The following TMEM132B variants were observed in gnomAD, a reference collection of about 807,000 sequenced individuals.
TMEM132B encodes transmembrane protein 132B.
TMEM132B carries 18 observed loss-of-function variants against 90.8 expected under a neutral mutation model. The ratio of observed to expected loss-of-function variants is 0.20; its 90% CI spans 0.14 to 0.29. The LOEUF is 0.29. TMEM132B is among the 10% of genes least tolerant of loss of function. TMEM132B has a pLI of 1.00. For synonymous variants in TMEM132B, 504 were observed against 523.3 expected, an observed-to-expected ratio of 0.96 and a Z score of 0.50; for missense variants, 1,096 against 1,326.8, an observed-to-expected ratio of 0.83 and a Z score of 2.70.
At chr12:125,461,227 T>C (rs1414641123) in intron 3 of TMEM132B, among the ~76,000 whole-genome samples, 1 of 152,094 alleles carries the variant, frequency 6.6e-6, no homozygotes, top group African/African-American at 2.4e-5. Context: ...TTCAGGGAGA[T>C]GCATTTGGAG....
intron 2 of TMEM132B, among the ~76,000 whole-genome samples, chr12:125,412,103 G>A (rs1486409648): frequency 1.3e-5 from 2 of 152,164 alleles, no homozygotes; most frequent in Non-Finnish European, 2.9e-5. Context: ...CTGAGGAAGC[G>A]TTTGCCCACT....
intron 5 of TMEM132B, among the ~76,000 whole-genome samples, chr12:125,629,932 G>A (rs1264925052): frequency 6.6e-6 from 1 of 152,106 alleles, no homozygotes; most frequent in Non-Finnish European, 1.5e-5. Flanking sequence ...TTGACATGAT[G>A]TATCACATTA....
chr12:125,525,260 T>C (rs756378985), intron 4 of TMEM132B, among the ~76,000 whole-genome samples: 1 of 152,236 alleles, frequency 6.6e-6, no homozygotes, highest in East Asian at 1.9e-4. Flanking sequence ...CAAGTATTCA[T>C]TGCAGTTCTG....
At chr12:125,543,247 C>G (rs531415345) in intron 4 of TMEM132B, among the ~76,000 whole-genome samples, 1 of 152,280 alleles carries the variant, frequency 6.6e-6, no homozygotes, top group East Asian at 1.9e-4. Flanking sequence ...CCCTCCCTAT[C>G]TCCAGGTTCT....
chr12:125,224,865 T>C (rs1873641940), intron 1 of TMEM132B, among the ~76,000 whole-genome samples: 1 of 152,248 alleles, frequency 6.6e-6, no homozygotes, highest in African/African-American at 2.4e-5. Flanking sequence ...AGGTTTTCTG[T>C]TCCTTCCCTG....
chr12:125,591,748 G>A (rs1885323633), intron 5 of TMEM132B, among the ~76,000 whole-genome samples: 1 of 152,116 alleles, frequency 6.6e-6, no homozygotes, highest in South Asian at 2.1e-4. Flanking sequence ...TCCTTGGCTT[G>A]TGGCAGCATC....
intron 4 of TMEM132B, among the ~76,000 whole-genome samples, chr12:125,530,028 G>A (rs1883603614): frequency 6.6e-6 from 1 of 152,206 alleles, no homozygotes; most frequent in Non-Finnish European, 1.5e-5. Flanking sequence ...GACCCTGTCT[G>A]TAACAAAACC....
chr12:125,386,531 C>T (rs1189530957), intron 2 of TMEM132B, among the ~76,000 whole-genome samples: 1 of 152,196 alleles, frequency 6.6e-6, no homozygotes, highest in Non-Finnish European at 1.5e-5. Context: ...TTTGCATTTG[C>T]ATTTTTTGCT....
At position 125,658,372 on chromosome 12, in the gene TMEM132B, T is replaced by A. The variant is rs1887120467; in HGVS notation, c.*3662T>A. ...TGTCGGGGCCCTGTCAGAGAACTAT[T>A]ATTAAGGCTCTGTGAGGGAACTGTT... On this transcript the variant is annotated 3_prime_UTR_variant, in exon 9 of 9. Transcript: ENST00000682704. 1 of 152,238 alleles carries A rather than the reference T, an allele frequency of 6.6e-6. No homozygotes were observed. The highest frequency in any genetic ancestry group is 2.1e-4 in the South Asian group (1 of 4,828). 9.4% of individuals were successfully genotyped at this position (152,238 alleles called of 1,614,324 possible). A position where few individuals can be genotyped will look rare whatever the true frequency, so the allele number is the denominator to read the frequency against.
At chr12:125,628,055 T>C (rs1886275097) in intron 5 of TMEM132B, among the ~76,000 whole-genome samples, 1 of 152,158 alleles carries the variant, frequency 6.6e-6, no homozygotes, top group Non-Finnish European at 1.5e-5. Flanking sequence ...TCTTTATCCA[T>C]TCATCTGTTG....
At chr12:125,311,408 G>A (rs957682571) in intron 1 of TMEM132B, among the ~76,000 whole-genome samples, 1 of 152,120 alleles carries the variant, frequency 6.6e-6, no homozygotes, top group Non-Finnish European at 1.5e-5. Flanking sequence ...GGCAGCTGAC[G>A]GCAATTCCAT....
rs75351585 is a variant in TMEM132B at position 125,259,806 on chromosome 12, G to A, written c.67+72940G>A. On this transcript the variant is annotated intron_variant, in intron 1 of 8. Transcript: ENST00000682704. ...AAGGTTTTGTTGGATTTATGAGAAC[G>A]CGCATACTGGTAAGAGCTGAGATTT... Among the ~76,000 whole-genome samples the A allele has an allele frequency of 2.9e-4, 44 of 152,226 alleles. No individual in the cohort carries two copies. In the East Asian group the frequency reaches 7.7e-3, roughly 27 times the overall value.
intron 4 of TMEM132B, among the ~76,000 whole-genome samples, chr12:125,559,331 C>G (rs1051490447): frequency 6.6e-6 from 1 of 152,208 alleles, no homozygotes; most frequent in South Asian, 2.1e-4. Context: ...TGCCATTGCA[C>G]TCCAGCCTGG....
chr12:125,471,699 T>C (rs1253052332), intron 3 of TMEM132B, among the ~76,000 whole-genome samples: 1 of 152,212 alleles, frequency 6.6e-6, no homozygotes, highest in Non-Finnish European at 1.5e-5. Context: ...TGCCTTTTAA[T>C]GAACTGCCTG....
chr12:125,255,200 G>A (rs1460147827), intron 1 of TMEM132B, among the ~76,000 whole-genome samples: 1 of 152,114 alleles, frequency 6.6e-6, no homozygotes, highest in Admixed American at 6.5e-5. Flanking sequence ...CTTGCGGGGA[G>A]GAGAGGGTGG....
intron 4 of TMEM132B, among the ~76,000 whole-genome samples, chr12:125,574,345 C>G (rs1424611756): frequency 6.6e-6 from 1 of 152,082 alleles, no homozygotes; most frequent in African/African-American, 2.4e-5. Flanking sequence ...AAATGTGGTA[C>G]CAGATTGTGA....
intron 5 of TMEM132B, 55 bp downstream of exon 5, chr12:125,584,049 C>T: frequency 6.2e-7 from 1 of 1,611,426 alleles, no homozygotes; most frequent in Non-Finnish European, 8.5e-7. Flanking sequence ...TTTGTCGTTC[C>T]TTCTTTTGTC....
chr12:125,578,697 A>G (rs1192112538), intron 4 of TMEM132B, among the ~76,000 whole-genome samples: 1 of 152,186 alleles, frequency 6.6e-6, no homozygotes, highest in Non-Finnish European at 1.5e-5. Flanking sequence ...TTATTTTGAA[A>G]GACAGGTTTT....
chr12:125,518,164 C>A (rs149268234), intron 3 of TMEM132B, among the ~76,000 whole-genome samples: 1 of 152,248 alleles, frequency 6.6e-6, no homozygotes, highest in East Asian at 1.9e-4. Flanking sequence ...AGTGCTGTGG[C>A]TGTATTCCAG....
Sources: allele counts gnomAD v4.1 joint callset (sites outside exome capture counted in the v4.1 genomes callset), GRCh38; gene constraint gnomAD v4.1.1; transcripts MANE v1.5; gene names NCBI Gene and HGNC (gene_info 2026-07-23, HGNC 2026-07-21).